The following C10orf67 variants were observed in gnomAD, a reference collection of about 807,000 sequenced individuals.
The protein encoded by C10orf67 is chromosome 10 open reading frame 67, also known as uncharacterized protein C10orf67, mitochondrial.
Under a neutral mutation model 35.6 loss-of-function variants are expected in C10orf67, and 60 were observed. That is an observed-to-expected ratio of 1.68 (90% CI 1.37 to 2.09). The LOEUF (loss-of-function observed/expected upper bound fraction) is 2.09, where lower values mean the gene tolerates loss of function less well. Among genes scored for constraint, C10orf67 ranks in the 30% most tolerant of loss-of-function variants. The pLI, the probability that C10orf67 is intolerant of heterozygous loss-of-function variation, is 0.00. For synonymous variants in C10orf67, 167 were observed against 115.8 expected, an observed-to-expected ratio of 1.44 and a Z score of -2.84; for missense variants, 474 against 330.2, an observed-to-expected ratio of 1.44 and a Z score of -3.38.
At chr10:23,306,093 T>A (rs181809148) in intron 4 of C10orf67, among the ~76,000 whole-genome samples, 74 of 152,276 alleles carry the variant, frequency 4.9e-4, no homozygotes, top group African/African-American at 1.6e-3. Context: ...AAGAAGGATA[T>A]CTTGCTATTT....
Position 23,203,802 on chromosome 10 carries a change from A to G in C10orf67, c.*371T>C, listed in dbSNP as rs868693440. The G allele has an allele frequency of 6.1e-6, 1 of 162,926 alleles. No homozygotes were observed. Among genetic ancestry groups the G allele is most frequent in the Non-Finnish European group, 1.3e-5 (1 of 75,510 alleles). The allele number at this position is 162,926 out of a possible 1,614,324, so 10.1% of individuals were successfully genotyped here. A position where few individuals can be genotyped will look rare whatever the true frequency, so the allele number is the denominator to read the frequency against. ...AGCAAAACAGGTTGATGCTTTTGGTATAGAAAGACTGGATTAGAGAGGGAG... is the reference window on the plus strand; with the variant it reads ...AGCAAAACAGGTTGATGCTTTTGGTGTAGAAAGACTGGATTAGAGAGGGAG... On this transcript the variant is annotated 3_prime_UTR_variant, in exon 16 of 16. Transcript: ENST00000636213.
intron 15 of C10orf67, among the ~76,000 whole-genome samples, chr10:23,206,011 C>G (rs1386474923): frequency 6.6e-6 from 1 of 152,158 alleles, no homozygotes; most frequent in African/African-American, 2.4e-5. Flanking sequence ...AATTCAAAAG[C>G]ACTGATCTCG....
rs1843193501 is a variant in C10orf67, at chr10:23,276,528, A to G, written c.975+5485T>C. On this transcript the variant is annotated intron_variant, in intron 8 of 15. Transcript: ENST00000636213. ...GTGTGGGGGATCCCTCTCCCAAGCA[A>G]TTCCTGTGATTCACCTTACCCGAGC... 2.0e-5 allele frequency among the ~76,000 whole-genome samples: 3 copies of G among 152,096 alleles called. No individual in the cohort carries two copies. The South Asian group carries it at 6.3e-4, about 32-fold the overall frequency.
At chr10:23,310,214 A>G (rs944076735) in intron 4 of C10orf67, among the ~76,000 whole-genome samples, 3 of 152,206 alleles carry the variant, frequency 2.0e-5, no homozygotes, top group Non-Finnish European at 4.4e-5. Flanking sequence ...GACAATGACA[A>G]CAAAATAAAA....
intron 7 of C10orf67, among the ~76,000 whole-genome samples, chr10:23,284,989 A>C (rs1253591310): frequency 6.6e-6 from 1 of 152,240 alleles, no homozygotes; most frequent in Non-Finnish European, 1.5e-5. Context: ...AAAGGCAACT[A>C]ATAAACATTG....
At chr10:23,249,031 G>A (rs900338139) in intron 12 of C10orf67, among the ~76,000 whole-genome samples, 1 of 149,608 alleles carries the variant, frequency 6.7e-6, no homozygotes, top group Non-Finnish European at 1.5e-5. Context: ...TAAGGAGGCT[G>A]TGGCTGGAGA....
At chr10:23,326,846 G>A (rs1845216943) in intron 2 of C10orf67, among the ~76,000 whole-genome samples, 2 of 152,056 alleles carry the variant, frequency 1.3e-5, no homozygotes, top group South Asian at 2.1e-4. Context: ...GCAGAAAGAA[G>A]TACTGAGATA....
At chr10:23,211,639 A>G (rs1229844970) in intron 15 of C10orf67, among the ~76,000 whole-genome samples, 9 of 152,206 alleles carry the variant, frequency 5.9e-5, no homozygotes, top group Admixed American at 5.9e-4. Flanking sequence ...TACTTGATGT[A>G]TGCTTTGGAT....
chr10:23,222,954 T>A (rs1276709405), intron 15 of C10orf67, among the ~76,000 whole-genome samples: 1 of 152,194 alleles, frequency 6.6e-6, no homozygotes, highest in African/African-American at 2.4e-5. Flanking sequence ...CAGTCTACTT[T>A]TCTTCTAATT....
intron 1 of C10orf67, among the ~76,000 whole-genome samples, chr10:23,335,065 G>C (rs1845623776): frequency 1.3e-5 from 2 of 152,032 alleles, no homozygotes; most frequent in Non-Finnish European, 1.5e-5. Context: ...GCACGTGCCT[G>C]TAATCCCAGC....
At chr10:23,332,974 A>T in intron 2 of C10orf67, 88 bp downstream of exon 2, 1 of 1,327,906 alleles carries the variant, frequency 7.5e-7, no homozygotes, top group Non-Finnish European at 1.0e-6. Context: ...TAAAAATTTT[A>T]ATTATTTCAC....
intron 13 of C10orf67, among the ~76,000 whole-genome samples, chr10:23,229,835 C>G (rs959007231): frequency 6.6e-6 from 1 of 151,908 alleles, no homozygotes; most frequent in Admixed American, 6.6e-5. Flanking sequence ...GAAATAATAC[C>G]TAAACAAAAT....
chr10:23,299,892 G>T (rs554094571), intron 5 of C10orf67, among the ~76,000 whole-genome samples: 102 of 151,906 alleles, frequency 6.7e-4, no homozygotes, highest in Non-Finnish European at 1.3e-3. Context: ...GCAGGAGAAT[G>T]GCGCGAACCC....
chr10:23,306,447 C>A (rs528793274), intron 4 of C10orf67, among the ~76,000 whole-genome samples: 1 of 150,960 alleles, frequency 6.6e-6, no homozygotes, highest in East Asian at 2.0e-4. Context: ...TCACTTGAAG[C>A]CAGGAGGTGG....
chr10:23,297,761 C>T (rs1843935676), intron 5 of C10orf67, among the ~76,000 whole-genome samples: 1 of 152,204 alleles, frequency 6.6e-6, no homozygotes, highest in African/African-American at 2.4e-5. Context: ...AAGAGTTGCA[C>T]AAGTGCGCAG....
chr10:23,315,002 T>C (rs1200404503), intron 4 of C10orf67, among the ~76,000 whole-genome samples: 1 of 152,330 alleles, frequency 6.6e-6, no homozygotes, highest in Non-Finnish European at 1.5e-5. Context: ...TACTTGTCAA[T>C]CTACAAAAAG....
chr10:23,266,485 C>T, intron 9 of C10orf67, 59 bp from the exon 10 acceptor site: 1 of 398,154 alleles, frequency 2.5e-6, no homozygotes, highest in East Asian at 3.6e-5. Context: ...ATTTGTGTCC[C>T]TTTCTTTCAC....
At chr10:23,304,852 T>C (rs931219980) in intron 4 of C10orf67, among the ~76,000 whole-genome samples, 2 of 152,102 alleles carry the variant, frequency 1.3e-5, no homozygotes, top group African/African-American at 4.8e-5. Flanking sequence ...CAGCACCAAC[T>C]CTACAGACTA....
Position 23,298,387 on chromosome 10 carries a change from C to T in C10orf67, c.702+4917G>A, listed in dbSNP as rs572440121. On this transcript the variant is annotated intron_variant, in intron 5 of 15. Transcript: ENST00000636213. ...TGTGTGAGGACTCCTAGAGCTATTC[C>T]TGTTTTTTCTGTGACATATAAAGAA... Among the ~76,000 whole-genome samples the T allele has an allele frequency of 1.6e-3, 247 of 152,208 alleles. 1 individual carries two copies. The highest frequency in any genetic ancestry group is 5.5e-3 in the African/African-American group (227 of 41,582).
Sources: gnomAD v4.1 joint callset for allele counts (sites outside exome capture counted in the v4.1 genomes callset) on GRCh38, gnomAD v4.1.1 for gene constraint, MANE v1.5 for transcripts, NCBI Gene and HGNC (gene_info 2026-07-23, HGNC 2026-07-21) for gene names.